Variants in ANK2 observed in about 807,000 individuals in gnomAD.
ANK2 encodes the protein ankyrin-2.
ANK2 carries 83 observed loss-of-function variants against 360.5 expected under a neutral mutation model. The observed-to-expected ratio is 0.23, with a 90% CI of 0.19 to 0.28. The LOEUF (loss-of-function observed/expected upper bound fraction) is 0.28. Among genes scored for constraint, ANK2 ranks in the 10% least tolerant of loss-of-function variants. ANK2 has a pLI of 1.00. For missense variants in ANK2, 4,201 were observed against 4,795.7 expected (o/e 0.88, Z 3.66); for synonymous variants, 1,740 against 1,759.5 (o/e 0.99, Z 0.28).
chr4:112,776,796 G>C, the ANK2 span, among the ~76,000 whole-genome samples: 1 of 152,176 alleles, frequency 6.6e-6, no homozygotes, highest in Non-Finnish European at 1.5e-5. Context: ...AGTTTCATAA[G>C]AAAACTAGGG....
the ANK2 span, among the ~76,000 whole-genome samples, chr4:112,806,779 C>T: frequency 5.3e-5 from 8 of 152,016 alleles, no homozygotes; most frequent in Admixed American, 3.3e-4. Flanking sequence ...TGCAGTGAGC[C>T]GTGATGACGC....
chr4:113,159,084 T>C (rs17590572), intron 1 of ANK2, among the ~76,000 whole-genome samples: 40,589 of 151,634 alleles, frequency 0.27, 5,995 homozygotes, highest in East Asian at 0.55. Context: ...GAATTAGGTT[T>C]TGGGTATTCT....
chr4:113,116,287 G>A (rs981923616), intron 1 of ANK2, among the ~76,000 whole-genome samples: 1 of 152,134 alleles, frequency 6.6e-6, no homozygotes, highest in African/African-American at 2.4e-5. Context: ...GAGTGGCTTG[G>A]GTGGTGCCTG....
chr4:112,976,368 A>G (rs562839596), intron 2 of ANK2, among the ~76,000 whole-genome samples: 2 of 152,106 alleles, frequency 1.3e-5, no homozygotes, highest in South Asian at 4.2e-4. Context: ...TAATTTTTGT[A>G]TTTTTAGTAG....
intron 10 of ANK2, among the ~76,000 whole-genome samples, chr4:113,253,193 T>C (rs2047414355): frequency 6.6e-6 from 1 of 152,190 alleles, no homozygotes; most frequent in Non-Finnish European, 1.5e-5. Context: ...CTTTCTTTAT[T>C]TACTTTCTGG....
chr4:113,375,132 A>G (rs1009009103), intron 45 of ANK2, among the ~76,000 whole-genome samples: 14 of 152,206 alleles, frequency 9.2e-5, no homozygotes, highest in Non-Finnish European at 1.9e-4. Flanking sequence ...TGTGGTGTTC[A>G]TTGGTGTCAC....
At chr4:112,793,560 A>T in the ANK2 span, among the ~76,000 whole-genome samples, 1 of 152,072 alleles carries the variant, frequency 6.6e-6, no homozygotes, top group Non-Finnish European at 1.5e-5. Context: ...GATAGGAATT[A>T]TTTTATATTT....
At chr4:113,207,032 A>G (rs2098959120) in intron 4 of ANK2, among the ~76,000 whole-genome samples, 1 of 152,138 alleles carries the variant, frequency 6.6e-6, no homozygotes, top group Non-Finnish European at 1.5e-5. Context: ...TCAAAAAAAA[A>G]TTGCCAAGAA....
intron 22 of ANK2, among the ~76,000 whole-genome samples, chr4:113,293,863 C>T (rs572997841): frequency 7.9e-5 from 12 of 152,040 alleles, no homozygotes; most frequent in Non-Finnish European, 1.3e-4. Flanking sequence ...TGACACCTAC[C>T]GCTGGCAAAG....
the ANK2 span, among the ~76,000 whole-genome samples, chr4:112,710,580 C>T: frequency 6.6e-6 from 1 of 152,084 alleles, no homozygotes; most frequent in East Asian, 1.9e-4. Context: ...CGCCTGCAAT[C>T]CCAGCTACCC....
At chr4:112,741,839 A>G in the ANK2 span, among the ~76,000 whole-genome samples, 1 of 152,152 alleles carries the variant, frequency 6.6e-6, no homozygotes, top group Non-Finnish European at 1.5e-5. Context: ...ACAAACAAAC[A>G]AACAAGCACA....
At chr4:112,937,519 G>T (rs1391129404) in intron 2 of ANK2, among the ~76,000 whole-genome samples, 1 of 151,830 alleles carries the variant, frequency 6.6e-6, no homozygotes, top group Non-Finnish European at 1.5e-5. Context: ...GTAGAGACTG[G>T]GTTTCGCCAT....
chr4:113,373,054 A>T, intron 43 of ANK2, 36 bp from the exon 44 acceptor site: 1 of 1,571,062 alleles, frequency 6.4e-7, no homozygotes, highest in Non-Finnish European at 8.8e-7. Context: ...AATTGGTGCC[A>T]AACACCACAG....
chr4:112,819,318 G>A (rs749566298), intron 1 of ANK2, among the ~76,000 whole-genome samples: 2 of 152,144 alleles, frequency 1.3e-5, no homozygotes, highest in Non-Finnish European at 2.9e-5. Context: ...AGGGATAATA[G>A]GCAAATAATT....
At chr4:113,197,505 T>C (rs192313339) in intron 3 of ANK2, among the ~76,000 whole-genome samples, 2 of 152,194 alleles carry the variant, frequency 1.3e-5, no homozygotes, top group East Asian at 1.9e-4. Context: ...TGTGATAATA[T>C]GGCTGTGGAA....
chr4:113,192,295 T>C (rs1237696503), intron 2 of ANK2, among the ~76,000 whole-genome samples: 1 of 152,230 alleles, frequency 6.6e-6, no homozygotes, highest in Non-Finnish European at 1.5e-5. Flanking sequence ...GATGACCTCC[T>C]GTCTCAGGTC....
chr4:113,229,148 T>A (rs565576611), intron 4 of ANK2, among the ~76,000 whole-genome samples: 4 of 152,386 alleles, frequency 2.6e-5, no homozygotes, highest in African/African-American at 9.6e-5. Context: ...GTTGCTACTG[T>A]AACAAATTAC....
chr4:113,205,696 C>T (rs1458335640), intron 4 of ANK2, among the ~76,000 whole-genome samples: 2 of 152,154 alleles, frequency 1.3e-5, no homozygotes, highest in Admixed American at 6.5e-5. Context: ...TGCATGCACC[C>T]ACTATATGCA....
At position 113,357,421 on chromosome 4, in the gene ANK2, T is replaced by C. The variant is rs1428987637; in HGVS notation, c.8803T>C (p.Ser2935Pro). The C allele has an allele frequency of 1.2e-6, 2 of 1,614,056 alleles. No individual in the cohort carries two copies. The highest frequency in any genetic ancestry group is 1.7e-5 in the Admixed American group (1 of 60,004). The change falls in exon 38 of 46, where the codon TCT (serine) becomes CCT (proline). Residue 2935 changes from serine to proline, a missense_variant. Physicochemically the swap from Ser to Pro is moderately conservative, Grantham distance 74 (BLOSUM62 -1). Around this residue, in one of 4 missense-constraint regions of ANK2, gnomAD observed 2,642 missense variants for 2,714.5 expected, o/e 0.97. Transcript: ENST00000357077. ...TSPYENVPSQSFFSSEESKTQ... is the reference protein window; with the variant it reads ...TSPYENVPSQPFFSSEESKTQ... The stretch of plus-strand genomic sequence containing the variant: ...CCCTTATGAAAATGTCCCTTCCCAA[T>C]CTTTTTTCTCTAGTGAAGAAAGCAA...
Sources: allele counts gnomAD v4.1 joint callset (sites outside exome capture counted in the v4.1 genomes callset), GRCh38; gene constraint gnomAD v4.1.1; regional missense constraint gnomAD v4.1.1; transcripts MANE v1.5; gene names NCBI Gene and HGNC (gene_info 2026-07-23, HGNC 2026-07-21).